NMBR: variants seen among roughly 807,000 people sequenced by gnomAD.
NMBR encodes the protein neuromedin B receptor.
Under a neutral mutation model 20.5 loss-of-function variants are expected in NMBR, and 16 were observed. The ratio of observed to expected loss-of-function variants is 0.78; its 90% confidence interval spans 0.53 to 1.19. NMBR has a LOEUF of 1.19. Ranked by LOEUF, NMBR falls within the 50% of genes most tolerant of loss-of-function variation. The probability of loss-of-function intolerance (pLI) is 0.00; values close to 1 mark genes in which losing one functional copy is unlikely to be tolerated. For missense variants in NMBR, 582 were observed against 499.1 expected (o/e 1.17, Z -1.58); for synonymous variants, 212 against 196.6 (o/e 1.08, Z -0.65).
intron 2 of NMBR, among the ~76,000 whole-genome samples, chr6:142,079,110 G>GAGAGAGAGAGAAAGAA (rs796074673): frequency 8.7e-5 from 6 of 69,254 alleles, no homozygotes; most frequent in African/African-American, 7.0e-4. Flanking sequence ...GAGAGAGAAA[G>GAGAGAGAGAGAAAGAA]AAAGAAAGAA....
In NMBR at chr6:142,088,734, G is replaced by A. The variant is rs1777257445; in HGVS notation, c.-76C>T. The stretch of plus-strand genomic sequence containing the variant: ...TGAGGACTGAACGCCCACGATTTAG[G>A]TTTAATCGATGTCCCTCCCTCTCGC... On this transcript the variant is annotated 5_prime_UTR_variant, in exon 2 of 4. Coordinates refer to ENST00000258042, the MANE Select transcript of NMBR (RefSeq NM_002511.4). 3 of 1,339,232 alleles carry A rather than the reference G, an allele frequency of 2.2e-6. No homozygotes were observed. The highest frequency in any genetic ancestry group is 3.1e-6 in the Non-Finnish European group (3 of 983,134). 83.0% of individuals were successfully genotyped at this position (1,339,232 alleles called of 1,614,324 possible). A position where few individuals can be genotyped will look rare whatever the true frequency, so the allele number is the denominator to read the frequency against.
chr6:142,135,096 T>C, intron 1 of NMBR: 1 of 345,736 alleles, frequency 2.9e-6, no homozygotes, highest in Non-Finnish European at 5.2e-6. Context: ...TATTTCATTT[T>C]AATTTTGATC....
At chr6:142,105,258 A>C (rs1037819358) in intron 1 of NMBR, among the ~76,000 whole-genome samples, 3 of 152,116 alleles carry the variant, frequency 2.0e-5, no homozygotes, top group Admixed American at 6.6e-5. Context: ...TCTTTTGTGG[A>C]TCTTCAGTTG....
At chr6:142,095,723 G>C (rs1040687337) in intron 1 of NMBR, among the ~76,000 whole-genome samples, 1 of 152,046 alleles carries the variant, frequency 6.6e-6, no homozygotes, top group Non-Finnish European at 1.5e-5. Flanking sequence ...TTTCAGAAGG[G>C]ATGGTATCAG....
At chr6:142,078,058 C>A (rs1013303280) in intron 3 of NMBR, among the ~76,000 whole-genome samples, 1 of 152,160 alleles carries the variant, frequency 6.6e-6, no homozygotes, top group African/African-American at 2.4e-5. Flanking sequence ...GGTTCCTTTT[C>A]TGCTGCTCTT....
chr6:142,078,996 G>T, intron 2 of NMBR, 93 bp from the exon 3 acceptor site: 1 of 808,026 alleles, frequency 1.2e-6, no homozygotes, highest in Non-Finnish European at 1.8e-6. Flanking sequence ...AAGAAAGGGA[G>T]AGAGAGAGAA....
At chr6:142,131,182 A>G (rs75165158) in intron 1 of NMBR, among the ~76,000 whole-genome samples, 1 of 152,318 alleles carries the variant, frequency 6.6e-6, no homozygotes, top group South Asian at 2.1e-4. Flanking sequence ...CTGGACTTCA[A>G]TCTTAATTCT....
intron 1 of NMBR, among the ~76,000 whole-genome samples, chr6:142,140,205 C>G (rs1029450111): frequency 2.0e-5 from 3 of 151,768 alleles, no homozygotes; most frequent in African/African-American, 7.3e-5. Flanking sequence ...TTTTAGAAAA[C>G]AAACAAAATA....
intron 1 of NMBR, among the ~76,000 whole-genome samples, chr6:142,130,252 G>A (rs1460264038): frequency 6.6e-6 from 1 of 151,804 alleles, no homozygotes; most frequent in East Asian, 1.9e-4. Context: ...CTAGAGATGA[G>A]TTTGCAGGAA....
chr6:142,098,310 T>A (rs1456333229), intron 1 of NMBR, among the ~76,000 whole-genome samples: 1 of 152,112 alleles, frequency 6.6e-6, no homozygotes, highest in Non-Finnish European at 1.5e-5. Context: ...CTTTTCAATT[T>A]TGTACTGGAA....
Position 142,088,700 on chromosome 6 carries a change from C to A in NMBR, c.-42G>T. On this transcript the variant is annotated 5_prime_UTR_variant, in exon 2 of 4. Transcript: ENST00000258042. ...GAGTCCGCTGGAGTTTTCACGCGCT[C>A]CGGTGCCCTGAGGACTGAACGCCCA... 6.4e-7 allele frequency: 1 copy of A among 1,557,450 alleles called. No homozygotes were observed. The highest frequency in any genetic ancestry group is 1.2e-5 in the South Asian group (1 of 86,322).
At position 142,093,150 on chromosome 6, in the gene NMBR, TTTTC is replaced by T. The variant is rs1777363908; in HGVS notation, c.-663-3833_-663-3830del. Among the ~76,000 whole-genome samples, 3 of 152,000 alleles carry T rather than the reference TTTTC, an allele frequency of 2.0e-5. 1 individual carries two copies. In the South Asian group the frequency reaches 6.2e-4, roughly 32 times the overall value. On this transcript the variant is annotated intron_variant, in intron 1 of 3. Transcript: ENST00000258042. ...TCTTAGAACAAAACTTAAGAATTTT[TTTTC>T]TTTTTTTTTAATTATTCTTTAAGTT...
chr6:142,124,360 T>A (rs1356507850), intron 1 of NMBR, among the ~76,000 whole-genome samples: 1 of 151,846 alleles, frequency 6.6e-6, no homozygotes, highest in Non-Finnish European at 1.5e-5. Context: ...ATAATAAGAG[T>A]GAAAATATTG....
At chr6:142,097,603 C>A (rs1160806351) in intron 1 of NMBR, among the ~76,000 whole-genome samples, 11 of 152,014 alleles carry the variant, frequency 7.2e-5, no homozygotes, top group Admixed American at 5.9e-4. Context: ...AAACTGGGGG[C>A]TGTCTGTGAT....
intron 1 of NMBR, among the ~76,000 whole-genome samples, chr6:142,124,607 A>G (rs2114600851): frequency 6.6e-6 from 1 of 152,004 alleles, no homozygotes; most frequent in South Asian, 2.1e-4. Context: ...AGATATGTGG[A>G]TGGCATATCC....
intron 2 of NMBR, among the ~76,000 whole-genome samples, chr6:142,079,110 G>GAGAGAGAGAGAAAGAAAGAAAGAAAA (rs796074673): frequency 1.4e-5 from 1 of 69,254 alleles, no homozygotes; most frequent in Non-Finnish European, 2.4e-5. Flanking sequence ...GAGAGAGAAA[G>GAGAGAGAGAGAAAGAAAGAAAGAAAA]AAAGAAAGAA....
At chr6:142,097,074 G>A (rs538819229) in intron 1 of NMBR, among the ~76,000 whole-genome samples, 7 of 152,120 alleles carry the variant, frequency 4.6e-5, no homozygotes, top group Middle Eastern at 3.4e-3. Flanking sequence ...GTCTTTGCAC[G>A]TGAGATGGGT....
At chr6:142,143,197 G>C (rs1244097192) in intron 1 of NMBR, among the ~76,000 whole-genome samples, 4 of 152,196 alleles carry the variant, frequency 2.6e-5, no homozygotes, top group Non-Finnish European at 4.4e-5. Context: ...GAAATGCATA[G>C]TGATAAATTT....
At chr6:142,102,097 G>A (rs544971222) in intron 1 of NMBR, among the ~76,000 whole-genome samples, 41 of 152,196 alleles carry the variant, frequency 2.7e-4, no homozygotes, top group African/African-American at 9.4e-4. Context: ...GAGCTAAAGA[G>A]TCTACTTGCA....
Sources: allele counts gnomAD v4.1 joint callset (sites outside exome capture counted in the v4.1 genomes callset), GRCh38; gene constraint gnomAD v4.1.1; transcripts MANE v1.5; gene names NCBI Gene and HGNC (gene_info 2026-07-23, HGNC 2026-07-21).